CYSLTR2: variants seen among roughly 807,000 people sequenced by gnomAD.
The protein encoded by CYSLTR2 is cysteinyl leukotriene receptor 2, also known as G-protein coupled receptor GPCR21.
For synonymous variants in CYSLTR2, 179 were observed against 160.8 expected, an observed-to-expected ratio of 1.11 and a Z score of -0.86; for missense variants, 398 against 411.9, an observed-to-expected ratio of 0.97 and a Z score of 0.29.
At chr13:48,701,504 A>G (rs1954346188) in intron 4 of CYSLTR2, among the ~76,000 whole-genome samples, 1 of 152,162 alleles carries the variant, frequency 6.6e-6, no homozygotes, top group African/African-American at 2.4e-5. Context: ...AAAGACTTAA[A>G]TGTAAAACCT....
chr13:48,707,597 C>T lies in CYSLTR2; in HGVS notation c.780C>T (p.Phe260=). 6.2e-7 allele frequency: 1 copy of T among 1,611,050 alleles called. No individual in the cohort carries two copies. The highest frequency in any genetic ancestry group is 8.5e-7 in the Non-Finnish European group (1 of 1,180,004). ...CCTTGATCATCTTCTTCTTGTGTTT[C>T]CTGCCCTATCACACACTGAGGACCG... ...IITLIIFFLC[F]LPYHTLRTVH... is the part of the protein sequence containing the mutation. Residue 260 remains phenylalanine, a synonymous_variant, in exon 5 of 5, where the codon TTC becomes TTT. Transcript: ENST00000682523.
chr13:48,704,965 T>C (rs1232508813), intron 4 of CYSLTR2, among the ~76,000 whole-genome samples: 1 of 152,256 alleles, frequency 6.6e-6, no homozygotes, highest in African/African-American at 2.4e-5. Flanking sequence ...TCCTGTTGGT[T>C]GATGGTGTTT....
chr13:48,688,119 A>G (rs1953942803), intron 1 of CYSLTR2, among the ~76,000 whole-genome samples: 3 of 152,020 alleles, frequency 2.0e-5, no homozygotes, highest in Admixed American at 6.6e-5. Flanking sequence ...ACCTCAGCAG[A>G]TGTATTTTTC....
chr13:48,707,868 A>T lies in CYSLTR2; in HGVS notation c.*10A>T. 6.6e-7 allele frequency: 1 copy of T among 1,510,670 alleles called. No homozygotes were observed. The highest frequency in any genetic ancestry group is 8.8e-7 in the Non-Finnish European group (1 of 1,130,306). The allele number at this position is 1,510,670 out of a possible 1,614,324, so 93.6% of individuals were successfully genotyped here. Reference sequence around the variant, plus strand: ...GGAAACAAGAGTATAAGGAGCTCTTAGATGAGACCTGTTCTTGTATCCTTG... The same window carrying T: ...GGAAACAAGAGTATAAGGAGCTCTTTGATGAGACCTGTTCTTGTATCCTTG... On this transcript the variant is annotated 3_prime_UTR_variant, in exon 5 of 5. Coordinates refer to ENST00000682523, the MANE Select transcript of CYSLTR2 (RefSeq NM_001308476.3).
intron 1 of CYSLTR2, among the ~76,000 whole-genome samples, chr13:48,685,493 G>T (rs1376706825): frequency 2.6e-5 from 4 of 152,160 alleles, no homozygotes; most frequent in African/African-American, 9.7e-5. Context: ...AACTGTCAGA[G>T]AATAAATTTC....
chr13:48,662,915 C>A (rs1041977627), intron 1 of CYSLTR2, among the ~76,000 whole-genome samples: 3 of 152,128 alleles, frequency 2.0e-5, no homozygotes, highest in Admixed American at 2.0e-4. Context: ...TTCACAAAAT[C>A]ATTTCCCAGA....
intron 1 of CYSLTR2, among the ~76,000 whole-genome samples, chr13:48,688,504 G>A (rs753063918): frequency 6.6e-6 from 1 of 152,142 alleles, no homozygotes; most frequent in African/African-American, 2.4e-5. Flanking sequence ...GAGAAGATGT[G>A]GTGTTTGCTT....
intron 1 of CYSLTR2, among the ~76,000 whole-genome samples, chr13:48,688,120 T>C (rs1323553): frequency 0.42 from 63,767 of 151,902 alleles, 13,614 homozygotes; most frequent in South Asian, 0.5. Context: ...CCTCAGCAGA[T>C]GTATTTTTCT....
chr13:48,704,864 T>C (rs1004307197), intron 4 of CYSLTR2, among the ~76,000 whole-genome samples: 1 of 152,060 alleles, frequency 6.6e-6, no homozygotes, highest in African/African-American at 2.4e-5. Context: ...TGTCCCAGGA[T>C]GTGGTTTATC....
intron 4 of CYSLTR2, among the ~76,000 whole-genome samples, chr13:48,700,170 GA>G (rs1373037361): frequency 7.9e-5 from 12 of 152,172 alleles, no homozygotes; most frequent in Non-Finnish European, 1.6e-4. Flanking sequence ...TTCATTTTAT[GA>G]GGCCAACATC....
At chr13:48,656,924 C>T (rs181667702) in intron 1 of CYSLTR2, among the ~76,000 whole-genome samples, 128 of 152,312 alleles carry the variant, frequency 8.4e-4, no homozygotes, top group Middle Eastern at 6.8e-3. Context: ...TTTTTGAAAT[C>T]CATGTCAGAA....
intron 1 of CYSLTR2, among the ~76,000 whole-genome samples, chr13:48,687,910 CA>C (rs1441969710): frequency 6.6e-6 from 1 of 152,196 alleles, no homozygotes; most frequent in Non-Finnish European, 1.5e-5. Flanking sequence ...TTGTTAATTA[CA>C]ACAGGAATTT....
At chr13:48,706,000 T>TG (rs1566108037) in intron 4 of CYSLTR2, among the ~76,000 whole-genome samples, 1 of 134,276 alleles carries the variant, frequency 7.4e-6, no homozygotes, top group Non-Finnish European at 1.5e-5. Flanking sequence ...TTTGTTGTTG[T>TG]TTTTTTTTTT....
chr13:48,703,859 GGAGGTTTCTTTTTTGA>G (rs1438988323), intron 4 of CYSLTR2, among the ~76,000 whole-genome samples: 8 of 152,248 alleles, frequency 5.3e-5, no homozygotes, highest in Admixed American at 5.2e-4. Flanking sequence ...ATCTGGATCT[GGAGGTTTCTTTTTTGA>G]GAGTTTTTCA....
chr13:48,671,565 G>A (rs1953431673), intron 1 of CYSLTR2, among the ~76,000 whole-genome samples: 1 of 152,138 alleles, frequency 6.6e-6, no homozygotes. Context: ...TTCTGTTTAT[G>A]TGATGAATTA....
In CYSLTR2 at chr13:48,710,459, A is replaced by G. The variant is rs1250340714; in HGVS notation, c.*2601A>G. 1 of 152,192 alleles carries G rather than the reference A, an allele frequency of 6.6e-6. No individual in the cohort carries two copies. The allele number at this position is 152,192 out of a possible 1,614,324, so 9.4% of individuals were successfully genotyped here. A position where few individuals can be genotyped will look rare whatever the true frequency, so the allele number is the denominator to read the frequency against. On this transcript the variant is annotated 3_prime_UTR_variant, in exon 5 of 5. Transcript: ENST00000682523. ...TAAAGTCACTCTTATTTTACTTACT[A>G]ATGTCCCCAAAGCATAAGAGTAGTG... is the stretch of plus-strand genomic sequence containing the variant.
intron 1 of CYSLTR2, among the ~76,000 whole-genome samples, chr13:48,662,765 G>A (rs1199278711): frequency 1.3e-5 from 2 of 152,160 alleles, no homozygotes; most frequent in Non-Finnish European, 2.9e-5. Flanking sequence ...TGTCAGATTA[G>A]TAGCTTGCAA....
In CYSLTR2 at chr13:48,699,663, A is replaced by G. The variant is rs148281837; in HGVS notation, c.-2+3037A>G. ...AGCTAGCAGAAGGCAAGAAATAACT[A>G]AGATCAAAGTAAAACTGAAGGAAAT... On this transcript the variant is annotated intron_variant, in intron 4 of 4. Transcript: ENST00000682523. 3.5e-3 allele frequency among the ~76,000 whole-genome samples: 528 copies of G among 152,304 alleles called. 3 individuals are homozygous for G. The highest frequency in any genetic ancestry group is 5.8e-3 in the Non-Finnish European group (395 of 68,032).
chr13:48,665,735 G>A (rs999930924), intron 1 of CYSLTR2, among the ~76,000 whole-genome samples: 3 of 151,982 alleles, frequency 2.0e-5, no homozygotes, highest in African/African-American at 7.2e-5. Context: ...GCAGCATATA[G>A]TTAGGTCTTG....
Sources: gnomAD v4.1 joint callset for allele counts (sites outside exome capture counted in the v4.1 genomes callset) on GRCh38, gnomAD v4.1.1 for gene constraint, MANE v1.5 for transcripts, NCBI Gene and HGNC (gene_info 2026-07-23, HGNC 2026-07-21) for gene names.